Variants in SLC24A2 observed in about 807,000 individuals in gnomAD.
SLC24A2 encodes the protein solute carrier family 24 member 2.
A neutral mutation model predicts 62.0 loss-of-function variants in SLC24A2; 36 were observed. That is an observed-to-expected ratio of 0.58 (90% CI 0.44 to 0.77). SLC24A2 has a LOEUF of 0.77. SLC24A2 is among the 30% of genes least tolerant of loss of function. SLC24A2 has a pLI of 0.00. For missense variants in SLC24A2, 846 were observed against 817.9 expected (o/e 1.03, Z -0.42); for synonymous variants, 358 against 294.0 (o/e 1.22, Z -2.23).
chr9:20,053,794 G>A, the SLC24A2 span, among the ~76,000 whole-genome samples: 1 of 152,126 alleles, frequency 6.6e-6, no homozygotes, highest in African/African-American at 2.4e-5. Context: ...CTAGAAATAT[G>A]AGAAATAAAT....
At chr9:19,888,001 C>A in the SLC24A2 span, among the ~76,000 whole-genome samples, 1 of 152,098 alleles carries the variant, frequency 6.6e-6, no homozygotes, top group Non-Finnish European at 1.5e-5. Flanking sequence ...GAGTGAGGGA[C>A]AAAAGCCTAC....
At chr9:20,212,667 G>T in the SLC24A2 span, among the ~76,000 whole-genome samples, 1 of 151,120 alleles carries the variant, frequency 6.6e-6, no homozygotes, top group Non-Finnish European at 1.5e-5. Flanking sequence ...AGAGCTGAAA[G>T]ATAACAATAA....
At chr9:20,210,687 G>GTTT in the SLC24A2 span, among the ~76,000 whole-genome samples, 2 of 108,896 alleles carry the variant, frequency 1.8e-5, no homozygotes, top group African/African-American at 7.7e-5. Flanking sequence ...TGTATTTTTA[G>GTTT]TAGAGACGGG....
chr9:19,689,255 C>T (rs2118451018), intron 2 of SLC24A2, among the ~76,000 whole-genome samples: 1 of 152,136 alleles, frequency 6.6e-6, no homozygotes, highest in Admixed American at 6.6e-5. Context: ...GTGGTTACAC[C>T]AGGACTCCCG....
At chr9:19,618,372 C>A (rs180930364) in intron 4 of SLC24A2, among the ~76,000 whole-genome samples, 6 of 152,266 alleles carry the variant, frequency 3.9e-5, no homozygotes, top group African/African-American at 1.2e-4. Flanking sequence ...CTAAGAATTA[C>A]CTCTAGTAAA....
the SLC24A2 span, among the ~76,000 whole-genome samples, chr9:20,273,941 G>C: frequency 6.6e-6 from 1 of 152,126 alleles, no homozygotes; most frequent in Admixed American, 6.5e-5. Flanking sequence ...CTTTTCTCTT[G>C]TTAATCTTTC....
chr9:20,082,418 A>C, the SLC24A2 span, among the ~76,000 whole-genome samples: 1 of 152,204 alleles, frequency 6.6e-6, no homozygotes. Context: ...AAGTTTATTC[A>C]ATGTCTATTT....
chr9:20,259,906 T>G, the SLC24A2 span, among the ~76,000 whole-genome samples: 1 of 152,102 alleles, frequency 6.6e-6, no homozygotes, highest in Non-Finnish European at 1.5e-5. Flanking sequence ...CTGGGCAACA[T>G]GGCAAAGCCC....
At position 19,559,201 on chromosome 9, in the gene SLC24A2, G is replaced by T. The variant is rs139778732; in HGVS notation, c.1348-8933C>A. Among the ~76,000 whole-genome samples the T allele has an allele frequency of 9.1e-3, 1,390 of 152,210 alleles. 21 individuals are homozygous for T. Among genetic ancestry groups the T allele is most frequent in the African/African-American group, 0.031 (1,282 of 41,544 alleles). On this transcript the variant is annotated intron_variant, in intron 7 of 10. Coordinates refer to ENST00000341998, the MANE Select transcript of SLC24A2 (RefSeq NM_020344.4). ...TTCAAAGACATGTAGGAGAAAAAAA[G>T]CTTGACTAGGTGAATTATAACATTT... is the stretch of plus-strand genomic sequence containing the variant.
the SLC24A2 span, among the ~76,000 whole-genome samples, chr9:20,290,054 A>G: frequency 1.9e-4 from 29 of 152,158 alleles, no homozygotes; most frequent in Non-Finnish European, 3.4e-4. Context: ...CTGAGCCACA[A>G]CAGTGGCTTA....
the SLC24A2 span, among the ~76,000 whole-genome samples, chr9:19,816,908 G>A: frequency 6.6e-6 from 1 of 151,924 alleles, no homozygotes; most frequent in Admixed American, 6.6e-5. Context: ...ATGAAATTTG[G>A]GTGAGGACAA....
chr9:19,545,105 C>G (rs1378206101), intron 8 of SLC24A2, among the ~76,000 whole-genome samples: 1 of 152,064 alleles, frequency 6.6e-6, no homozygotes, highest in Non-Finnish European at 1.5e-5. Flanking sequence ...TCCCATATTT[C>G]TTGGAGGCTT....
At chr9:19,799,396 T>A in the SLC24A2 span, among the ~76,000 whole-genome samples, 1 of 152,228 alleles carries the variant, frequency 6.6e-6, no homozygotes, top group Admixed American at 6.5e-5. Flanking sequence ...TTTCAACGCC[T>A]GCCACGTTCT....
chr9:19,870,074 T>A, the SLC24A2 span, among the ~76,000 whole-genome samples: 1 of 152,180 alleles, frequency 6.6e-6, no homozygotes, highest in African/African-American at 2.4e-5. Flanking sequence ...TACAATTCAG[T>A]CTTTTTTTAG....
At chr9:19,747,659 A>G (rs1821873540) in intron 2 of SLC24A2, among the ~76,000 whole-genome samples, 1 of 152,336 alleles carries the variant, frequency 6.6e-6, no homozygotes, top group African/African-American at 2.4e-5. Context: ...AACTTTTACT[A>G]TGAGTGTCTT....
chr9:20,015,741 T>G, the SLC24A2 span, among the ~76,000 whole-genome samples: 4 of 152,220 alleles, frequency 2.6e-5, no homozygotes, highest in African/African-American at 9.6e-5. Flanking sequence ...TGGATAATGA[T>G]AGCAGAGCTA....
chr9:20,265,737 C>G, the SLC24A2 span, among the ~76,000 whole-genome samples: 1 of 151,756 alleles, frequency 6.6e-6, no homozygotes, highest in Non-Finnish European at 1.5e-5. Flanking sequence ...ACCTTAAACT[C>G]TGGCCGCCGG....
the SLC24A2 span, among the ~76,000 whole-genome samples, chr9:20,280,204 A>T: frequency 6.6e-6 from 1 of 152,202 alleles, no homozygotes; most frequent in Non-Finnish European, 1.5e-5. Context: ...AGTTAAACGA[A>T]GATGTGGCTC....
the SLC24A2 span, among the ~76,000 whole-genome samples, chr9:20,282,104 G>A: frequency 2.3e-3 from 348 of 151,956 alleles, 3 homozygotes; most frequent in African/African-American, 8.1e-3. Context: ...AAAATGATAG[G>A]AGGAGAAAGA....
Sources: gnomAD v4.1 joint callset for allele counts (sites outside exome capture counted in the v4.1 genomes callset) on GRCh38, gnomAD v4.1.1 for gene constraint, MANE v1.5 for transcripts, NCBI Gene and HGNC (gene_info 2026-07-23, HGNC 2026-07-21) for gene names.